Variants in ADRA1B observed in about 807,000 individuals in gnomAD.
ADRA1B encodes adrenoceptor alpha 1B.
In ADRA1B, 17 loss-of-function variants were observed where a neutral mutation model predicts 17.9. The ratio of observed to expected loss-of-function variants is 0.95; its 90% CI spans 0.65 to 1.42. ADRA1B has a LOEUF of 1.42. ADRA1B is among the 40% of genes most tolerant of loss of function. The probability of loss-of-function intolerance (pLI) is 0.00; values close to 1 mark genes in which losing one functional copy is unlikely to be tolerated. For missense variants in ADRA1B, 681 were observed against 722.1 expected, an observed-to-expected ratio of 0.94 and a Z score of 0.65; for synonymous variants, 366 against 327.6, an observed-to-expected ratio of 1.12 and a Z score of -1.27.
At chr5:159,946,118 G>A (rs1755267092) in intron 1 of ADRA1B, among the ~76,000 whole-genome samples, 2 of 152,308 alleles carry the variant, frequency 1.3e-5, no homozygotes, top group African/African-American at 2.4e-5. Context: ...TAGAGACAGG[G>A]AAGTCAGTTG....
At chr5:159,877,148 G>A (rs1753812494) in intron 1 of ADRA1B, among the ~76,000 whole-genome samples, 2 of 152,130 alleles carry the variant, frequency 1.3e-5, no homozygotes, top group African/African-American at 4.8e-5. Flanking sequence ...AAGGCTTGTT[G>A]CCTGCCCCTT....
intron 1 of ADRA1B, among the ~76,000 whole-genome samples, chr5:159,949,845 A>G (rs1185807829): frequency 6.6e-6 from 1 of 152,130 alleles, no homozygotes; most frequent in Non-Finnish European, 1.5e-5. Flanking sequence ...TGCCAAATGC[A>G]CTTCTTCACA....
chr5:159,911,527 C>T (rs1330135069), upstream of ADRA1B, among the ~76,000 whole-genome samples: 3 of 152,216 alleles, frequency 2.0e-5, no homozygotes, highest in Non-Finnish European at 4.4e-5. Context: ...TTAATCTTTA[C>T]CAGCCTGCTG....
At chr5:159,933,897 A>G (rs1204314298) in intron 1 of ADRA1B, among the ~76,000 whole-genome samples, 1 of 152,258 alleles carries the variant, frequency 6.6e-6, no homozygotes, top group African/African-American at 2.4e-5. Flanking sequence ...ATAAGGAAGG[A>G]TTCCTCTAGG....
In ADRA1B at chr5:159,917,135, G is replaced by A. The variant is rs1754337326; in HGVS notation, c.230G>A (p.Arg77Gln). The A allele has an allele frequency of 1.2e-6, 2 of 1,614,074 alleles. No individual in the cohort carries two copies. Among genetic ancestry groups the A allele is most frequent in the Non-Finnish European group, 8.5e-7 (1 of 1,180,010 alleles). Residue 77 changes from arginine to glutamine, a missense_variant, in exon 1 of 2, where the codon CGG becomes CAG. Transcript: ENST00000306675. ...TCTGTGGCCTGCAACCGGCACCTGCGGACGCCCACCAACTACTTCATTGTC... is the reference window on the plus strand; with the variant it reads ...TCTGTGGCCTGCAACCGGCACCTGCAGACGCCCACCAACTACTTCATTGTC... ...ILSVACNRHL[R>Q]TPTNYFIVNL...
chr5:159,958,078 C>T (rs925225582), intron 1 of ADRA1B, among the ~76,000 whole-genome samples: 1 of 151,828 alleles, frequency 6.6e-6, no homozygotes, highest in Non-Finnish European at 1.5e-5. Flanking sequence ...ACAAATTCAT[C>T]AATACATTTA....
At chr5:159,889,414 T>C (rs878884332) in intron 1 of ADRA1B, among the ~76,000 whole-genome samples, 1 of 152,222 alleles carries the variant, frequency 6.6e-6, no homozygotes, top group Non-Finnish European at 1.5e-5. Context: ...TGTAATTTTT[T>C]TCTGTCCTGT....
the ADRA1B span, among the ~76,000 whole-genome samples, chr5:159,981,567 C>T: frequency 6.6e-6 from 1 of 152,162 alleles, no homozygotes; most frequent in Admixed American, 6.5e-5. Context: ...GCGATCTCGG[C>T]TCACTGCAGG....
chr5:159,893,332 G>A (rs1020017285), intron 1 of ADRA1B, among the ~76,000 whole-genome samples: 9 of 152,278 alleles, frequency 5.9e-5, no homozygotes, highest in South Asian at 2.1e-4. Context: ...TGTAAAGCGG[G>A]AATAAAACAA....
At chr5:159,907,984 C>CACAG (rs1754180983) in intron 1 of ADRA1B, among the ~76,000 whole-genome samples, 5 of 151,672 alleles carry the variant, frequency 3.3e-5, no homozygotes, top group African/African-American at 9.7e-5. Flanking sequence ...CACACACACA[C>CACAG]AGAGTTGGTT....
chr5:159,929,914 G>C (rs895672673), intron 1 of ADRA1B, among the ~76,000 whole-genome samples: 15 of 152,174 alleles, frequency 9.9e-5, no homozygotes, highest in African/African-American at 2.7e-4. Flanking sequence ...ATGTATGTTT[G>C]AGTGTTTTTG....
intron 1 of ADRA1B, among the ~76,000 whole-genome samples, chr5:159,875,068 G>A (rs969419069): frequency 5.9e-5 from 9 of 152,072 alleles, no homozygotes; most frequent in African/African-American, 1.4e-4. Flanking sequence ...CTTCATGGTC[G>A]TTTGGTGGTA....
intron 1 of ADRA1B, among the ~76,000 whole-genome samples, chr5:159,882,369 GTGCAATCC>G (rs1175012007): frequency 2.6e-5 from 4 of 152,172 alleles, no homozygotes; most frequent in African/African-American, 9.7e-5. Context: ...TCTGGCAGCA[GTGCAATCC>G]TGCTGTTCTT....
Position 159,972,247 on chromosome 5 carries a change from G to C in ADRA1B, c.1318G>C (p.Glu440Gln), listed in dbSNP as rs989158397. The C allele has an allele frequency of 7.4e-7, 1 of 1,353,506 alleles. No individual in the cohort carries two copies. Among genetic ancestry groups the C allele is most frequent in the Non-Finnish European group, 9.5e-7 (1 of 1,051,344 alleles). 83.8% of individuals were successfully genotyped at this position (1,353,506 alleles called of 1,614,324 possible). A position where few individuals can be genotyped will look rare whatever the true frequency, so the allele number is the denominator to read the frequency against. ...GGGCCGCGGCGCGCCACCGCCAGTCGAGCTGTGCGCCTTCCCCGAGTGGAA... is the reference window on the plus strand; with the variant it reads ...GGGCCGCGGCGCGCCACCGCCAGTCCAGCTGTGCGCCTTCCCCGAGTGGAA... ...YLGRGAPPPV[E>Q]LCAFPEWKAP... The change falls in exon 2 of 2, where the codon GAG becomes CAG. Residue 440 changes from glutamate to glutamine, a missense_variant. Coordinates refer to ENST00000306675, the MANE Select transcript of ADRA1B (RefSeq NM_000679.4).
At chr5:159,920,892 A>T (rs1754459700) in intron 1 of ADRA1B, among the ~76,000 whole-genome samples, 1 of 152,210 alleles carries the variant, frequency 6.6e-6, no homozygotes, top group Non-Finnish European at 1.5e-5. Context: ...GAGGAAGCAG[A>T]TGTGGGGGAG....
At chr5:159,890,032 G>C (rs921848809) in intron 1 of ADRA1B, among the ~76,000 whole-genome samples, 2 of 152,202 alleles carry the variant, frequency 1.3e-5, no homozygotes, top group Non-Finnish European at 2.9e-5. Context: ...TAGGCTGCCA[G>C]CCTCCAGCAT....
intron 1 of ADRA1B, among the ~76,000 whole-genome samples, chr5:159,891,188 C>T (rs568701328): frequency 6.6e-6 from 1 of 152,190 alleles, no homozygotes; most frequent in South Asian, 2.1e-4. Flanking sequence ...AAACGTTAAC[C>T]CAACGATACT....
the ADRA1B span, among the ~76,000 whole-genome samples, chr5:159,980,621 G>T: frequency 8.5e-5 from 13 of 152,180 alleles, 1 homozygote; most frequent in African/African-American, 3.1e-4. Flanking sequence ...CTCAGCCTCC[G>T]TTTCCTGATT....
chr5:159,927,525 G>A (rs114294707), intron 1 of ADRA1B, among the ~76,000 whole-genome samples: 4,040 of 151,986 alleles, frequency 0.027, 79 homozygotes, highest in Non-Finnish European at 0.036. Flanking sequence ...AAAAATACAG[G>A]TGCCCCAGCT....
Sources: gnomAD v4.1 joint callset for allele counts (sites outside exome capture counted in the v4.1 genomes callset) on GRCh38, gnomAD v4.1.1 for gene constraint, MANE v1.5 for transcripts, NCBI Gene and HGNC (gene_info 2026-07-23, HGNC 2026-07-21) for gene names.